The following PCNX4 variants were observed in gnomAD, a reference collection of about 807,000 sequenced individuals.
The protein encoded by PCNX4 is pecanex 4, also known as pecanex-like protein 4.
In PCNX4, 103 loss-of-function variants were observed where a neutral mutation model predicts 107.2. The ratio of observed to expected loss-of-function variants is 0.96; its 90% confidence interval spans 0.82 to 1.13. The LOEUF (loss-of-function observed/expected upper bound fraction) is 1.13. Among genes scored for constraint, PCNX4 ranks in the 50% most tolerant of loss-of-function variants. PCNX4 has a pLI of 0.00. For missense variants in PCNX4, 1,528 were observed against 1,379.4 expected (o/e 1.11, Z -1.71); for synonymous variants, 541 against 481.7 (o/e 1.12, Z -1.61).
intron 1 of PCNX4, among the ~76,000 whole-genome samples, chr14:60,095,031 G>A (rs1426320311): frequency 6.6e-6 from 1 of 152,094 alleles, no homozygotes; most frequent in Non-Finnish European, 1.5e-5. Context: ...GGTGTCAGTC[G>A]AGAAAAATGA....
At chr14:60,109,804 C>A (rs182959287) in intron 2 of PCNX4, 5 of 167,260 alleles carry the variant, frequency 3.0e-5, no homozygotes. Flanking sequence ...AGTCTGAAGT[C>A]CCCTGAACCC....
In PCNX4 at chr14:60,114,791, C is replaced by G; in HGVS notation, c.781C>G (p.Leu261Val). The change falls in exon 3 of 11, where the codon CTG (leucine) becomes GTG (valine). Residue 261 changes from leucine (L) to valine (V), a missense_variant. Coordinates refer to ENST00000406854, the MANE Select transcript of PCNX4 (RefSeq NM_001330177.2). ...FLPFLWALGT[L>V]PPPDALLLWA... ...ACCCTTTCTGTGGGCACTTGGGACT[C>G]TGCCCCCACCCGATGCACTTCTCTT... 3.1e-6 allele frequency: 5 copies of G among 1,613,854 alleles called. No individual in the cohort carries two copies. Among genetic ancestry groups the G allele is most frequent in the Non-Finnish European group, 4.2e-6 (5 of 1,179,842 alleles).
At chr14:60,133,158 C>G (rs764051584) in intron 10 of PCNX4, among the ~76,000 whole-genome samples, 2 of 152,172 alleles carry the variant, frequency 1.3e-5, no homozygotes, top group Non-Finnish European at 2.9e-5. Flanking sequence ...TTTATAGCAA[C>G]ATTATTCTTA....
chr14:60,131,582 G>A (rs1006269690), intron 10 of PCNX4, among the ~76,000 whole-genome samples: 1 of 152,132 alleles, frequency 6.6e-6, no homozygotes, highest in Non-Finnish European at 1.5e-5. Flanking sequence ...TAAACATCCA[G>A]TGTTCATAAA....
intron 1 of PCNX4, among the ~76,000 whole-genome samples, chr14:60,100,320 C>T (rs1009632852): frequency 3.3e-5 from 5 of 152,222 alleles, no homozygotes; most frequent in East Asian, 1.9e-4. Context: ...ATTTTTGAGA[C>T]GGAGTTTCAC....
intron 9 of PCNX4, 150 bp from the exon 10 acceptor site, chr14:60,125,487 C>A: frequency 1.4e-6 from 1 of 737,528 alleles, no homozygotes; most frequent in Non-Finnish European, 2.0e-6. Context: ...GATTTCTTCA[C>A]CTTAACTGCA....
rs191984661 is a variant in PCNX4 at position 60,100,759 on chromosome 14, A to C, written c.-53-6827A>C. 4.2e-4 allele frequency among the ~76,000 whole-genome samples: 64 copies of C among 152,316 alleles called. 1 individual carries two copies. Among genetic ancestry groups the C allele is most frequent in the African/African-American group, 1.4e-3 (58 of 41,572 alleles). On this transcript the variant is annotated intron_variant, in intron 1 of 10. Transcript: ENST00000406854. ...AGGTGGGTTTTATTTAACCCTGTAT[A>C]TCTTGACTTTCCAATCTGACTCTGG...
Position 60,134,193 on chromosome 14 carries a change from CA to C in PCNX4, c.3495del (p.Lys1165AsnfsTer27). On this transcript the variant is annotated frameshift_variant, in exon 11 of 11. Transcript: ENST00000406854. LOFTEE classifies it high-confidence loss of function. Reference protein sequence around the residue: ...EPPLGYPIYSSKPLHIHLY With the variant: ...EPPLGYPIYSXKPLHIHLY ...CCCCTGGGATATCCGATTTATTCTT[CA>C]AAACCTCTCCACATACATTTGTATT... The C allele has an allele frequency of 1.2e-6, 2 of 1,613,600 alleles. No individual in the cohort carries two copies. The highest frequency in any genetic ancestry group is 1.7e-6 in the Non-Finnish European group (2 of 1,179,556).
rs531743547 is a variant in PCNX4, at chr14:60,098,006, C to G, written c.-54+5587C>G. Among the ~76,000 whole-genome samples the G allele has an allele frequency of 3.3e-5, 5 of 152,230 alleles. No homozygotes were observed. In the South Asian group the frequency reaches 1.0e-3, roughly 32 times the overall value. ...GCAGGAGCATCACCCTCTTCGACTT[C>G]GACGAGGACCATCATTTTAAGTTTC... On this transcript the variant is annotated intron_variant, in intron 1 of 10. Coordinates refer to ENST00000406854, the MANE Select transcript of PCNX4 (RefSeq NM_001330177.2).
chr14:60,121,882 A>C (rs1435557891), intron 8 of PCNX4, among the ~76,000 whole-genome samples: 1 of 152,160 alleles, frequency 6.6e-6, no homozygotes, highest in Non-Finnish European at 1.5e-5. Context: ...AACCATCAGC[A>C]GCATTTTACA....
chr14:60,142,720 T>C lies in PCNX4; in HGVS notation c.*8499T>C, dbSNP rs976242198. On this transcript the variant is annotated 3_prime_UTR_variant, in exon 11 of 11. Transcript: ENST00000406854. The surrounding 1 kb of genome is among the most constrained non-coding windows in gnomAD (Gnocchi z 4.7). The stretch of plus-strand genomic sequence containing the variant: ...ACACAGGCCGGGAGCGGTGGCACTT[T>C]GGGAGGCCAGGGCGGGTGGATCATT... 6.6e-6 allele frequency: 1 copy of C among 152,254 alleles called. No homozygotes were observed. Among genetic ancestry groups the C allele is most frequent in the Non-Finnish European group, 1.5e-5 (1 of 68,148 alleles). 9.4% of individuals were successfully genotyped at this position (152,254 alleles called of 1,614,324 possible). A position where few individuals can be genotyped will look rare whatever the true frequency, so the allele number is the denominator to read the frequency against.
Position 60,137,771 on chromosome 14 carries a change from A to G in PCNX4, c.*3550A>G, listed in dbSNP as rs1896256336. ...GAATCAATCAACAAGTCCCCAACTT[A>G]AAAGTACATTAATCAAGTTTAAGAA... On this transcript the variant is annotated 3_prime_UTR_variant, in exon 11 of 11. Transcript: ENST00000406854. The G allele has an allele frequency of 6.6e-6, 1 of 152,208 alleles. No homozygotes were observed. The highest frequency in any genetic ancestry group is 2.1e-4 in the South Asian group (1 of 4,832). The allele number at this position is 152,208 out of a possible 1,614,324, so 9.4% of individuals were successfully genotyped here.
Position 60,121,302 on chromosome 14 carries a change from C to G in PCNX4, c.2046+3C>G, listed in dbSNP as rs190968556. 100 of 1,604,434 alleles carry G rather than the reference C, an allele frequency of 6.2e-5. 1 individual carries two copies. The African/African-American group carries it at 1.1e-3, about 18-fold the overall frequency. ...CTTACTGCTCTATTAACATTAAGGT[C>G]AGTGTGCATATAAAACATCTGTAGT... On this transcript the variant is annotated splice_donor_region_variant and intron_variant, in intron 8 of 10. Coordinates refer to ENST00000406854, the MANE Select transcript of PCNX4 (RefSeq NM_001330177.2).
At chr14:60,112,884 T>C (rs1415583352) in intron 2 of PCNX4, among the ~76,000 whole-genome samples, 1 of 152,242 alleles carries the variant, frequency 6.6e-6, no homozygotes, top group East Asian at 1.9e-4. Context: ...TCATTAATTC[T>C]CTGCTCATAA....
intron 9 of PCNX4, 92 bp downstream of exon 9, chr14:60,125,343 A>G (rs1595176608): frequency 7.8e-7 from 1 of 1,278,322 alleles, no homozygotes; most frequent in Non-Finnish European, 1.0e-6. Flanking sequence ...ATTCGTTTCT[A>G]GTTTTTTAAA....
At chr14:60,099,308 A>C (rs1482007823) in intron 1 of PCNX4, among the ~76,000 whole-genome samples, 2 of 152,212 alleles carry the variant, frequency 1.3e-5, no homozygotes, top group African/African-American at 2.4e-5. Context: ...AAACTTTGGT[A>C]TATTTCCTTG....
chr14:60,121,783 CT>C (rs1330052601), intron 8 of PCNX4, among the ~76,000 whole-genome samples: 2 of 152,100 alleles, frequency 1.3e-5, no homozygotes, highest in Non-Finnish European at 2.9e-5. Flanking sequence ...TTTGACCCTA[CT>C]ACTCCACCCA....
chr14:60,126,199 A>G (rs1447665636), intron 10 of PCNX4: 1 of 154,870 alleles, frequency 6.5e-6, no homozygotes, highest in Non-Finnish European at 1.4e-5. Flanking sequence ...GTAAGTGGCA[A>G]AGTATTTTGC....
chr14:60,120,785 A>G (rs1895938719), intron 7 of PCNX4, among the ~76,000 whole-genome samples: 1 of 152,200 alleles, frequency 6.6e-6, no homozygotes. Context: ...TTTTATGTAC[A>G]TTTTTAAACC....
Sources: allele counts gnomAD v4.1 joint callset (sites outside exome capture counted in the v4.1 genomes callset), GRCh38; gene constraint gnomAD v4.1.1; non-coding constraint Gnocchi (gnomAD v3.1); transcripts MANE v1.5; gene names NCBI Gene and HGNC (gene_info 2026-07-23, HGNC 2026-07-21).